RPS6KC1: variants seen among roughly 807,000 people sequenced by gnomAD.
The protein encoded by RPS6KC1 is inactive ribosomal protein S6 kinase delta-1.
Under a neutral mutation model 103.8 loss-of-function variants are expected in RPS6KC1, and 54 were observed. The ratio of observed to expected loss-of-function variants is 0.52; its 90% CI spans 0.42 to 0.65. RPS6KC1 has a LOEUF of 0.65. Ranked by LOEUF, RPS6KC1 falls within the 30% of genes least tolerant of loss-of-function variation. The pLI, the probability that RPS6KC1 is intolerant of heterozygous loss-of-function variation, is 0.00. For synonymous variants in RPS6KC1, 439 were observed against 438.7 expected (o/e 1.00, Z -0.01); for missense variants, 1,151 against 1,253.8 (o/e 0.92, Z 1.24).
At chr1:213,125,006 T>C (rs2084816300) in intron 5 of RPS6KC1, among the ~76,000 whole-genome samples, 1 of 152,122 alleles carries the variant, frequency 6.6e-6, no homozygotes, top group African/African-American at 2.4e-5. Flanking sequence ...TCCATAGAGG[T>C]TTATATTTCA....
rs2083781424 is a variant in RPS6KC1 at position 213,117,404 on chromosome 1, A to G, written c.466A>G (p.Thr156Ala). The change falls in exon 5 of 15, where the codon ACG (threonine) becomes GCG (alanine). Residue 156 changes from threonine (T) to alanine (A), a missense_variant. By Grantham distance (58) the Thr-to-Ala change is moderately conservative. Around this residue, in one of 3 missense-constraint regions of RPS6KC1, gnomAD observed 959 missense variants for 1,006.3 expected, o/e 0.95. Transcript: ENST00000366960. ...SLIDTFPECS[T>A]EGFSSDSDLV... ...CATTGATACCTTTCCTGAGTGTAGT[A>G]CGGAAGGTAAGAGATTTTAATTTTT... is the stretch of plus-strand genomic sequence containing the variant. 6 of 1,592,930 alleles carry G rather than the reference A, an allele frequency of 3.8e-6. No homozygotes were observed. Among genetic ancestry groups the G allele is most frequent in the Non-Finnish European group, 5.2e-6 (6 of 1,163,550 alleles).
the RPS6KC1 span, among the ~76,000 whole-genome samples, chr1:213,472,648 T>C: frequency 6.6e-6 from 1 of 152,192 alleles, no homozygotes; most frequent in African/African-American, 2.4e-5. Context: ...CCATCAAATG[T>C]TGACAGTTTC....
At chr1:213,214,772 G>T (rs1344405542) in intron 8 of RPS6KC1, among the ~76,000 whole-genome samples, 2 of 152,174 alleles carry the variant, frequency 1.3e-5, no homozygotes, top group Non-Finnish European at 2.9e-5. Context: ...ACAGGGTCTG[G>T]AGTGGACCTC....
In RPS6KC1 at chr1:213,244,756, A is replaced by G. The variant is rs138227919; in HGVS notation, c.2911+2098A>G. On this transcript the variant is annotated intron_variant, in intron 12 of 14. Coordinates refer to ENST00000366960, the MANE Select transcript of RPS6KC1 (RefSeq NM_012424.6). ...TTTAAGCCTTGTCCCAGAAATTACA[A>G]TTCTCTTAGTTGACCAGCAGGTGGC... 2.6e-5 allele frequency among the ~76,000 whole-genome samples: 4 copies of G among 152,298 alleles called. No individual in the cohort carries two copies. The East Asian group carries it at 5.8e-4, about 22-fold the overall frequency.
chr1:213,172,907 C>CAT (rs2091584928), intron 7 of RPS6KC1, among the ~76,000 whole-genome samples: 4 of 152,284 alleles, frequency 2.6e-5, no homozygotes, highest in African/African-American at 4.8e-5. Flanking sequence ...CTTACTTTTC[C>CAT]ATCAAGGAAC....
At chr1:213,269,067 C>T (rs746623892) in intron 14 of RPS6KC1, among the ~76,000 whole-genome samples, 9 of 152,214 alleles carry the variant, frequency 5.9e-5, no homozygotes, top group Non-Finnish European at 8.8e-5. Context: ...ATCTTCTGTG[C>T]GTGAGAGACA....
At chr1:213,705,526 C>A in the RPS6KC1 span, among the ~76,000 whole-genome samples, 1 of 152,194 alleles carries the variant, frequency 6.6e-6, no homozygotes, top group East Asian at 1.9e-4. Context: ...GCAGTGGACT[C>A]CCCTCTGCCC....
In RPS6KC1 at chr1:213,167,993, G is replaced by C; in HGVS notation, c.951+20G>C. 6.6e-7 allele frequency: 1 copy of C among 1,522,786 alleles called. No individual in the cohort carries two copies. Among genetic ancestry groups the C allele is most frequent in the Non-Finnish European group, 9.1e-7 (1 of 1,100,752 alleles). 94.3% of individuals were successfully genotyped at this position (1,522,786 alleles called of 1,614,324 possible). On this transcript the variant is annotated intron_variant, in intron 7 of 14. Coordinates refer to ENST00000366960, the MANE Select transcript of RPS6KC1 (RefSeq NM_012424.6). Reference sequence around the variant, plus strand: ...TCTCAGGTATGTCTCATATTTTGTTGTGTGTTTTCTTCAGTGATTTTTTGC... The same window carrying C: ...TCTCAGGTATGTCTCATATTTTGTTCTGTGTTTTCTTCAGTGATTTTTTGC...
At chr1:213,172,044 G>A (rs566475658) in intron 7 of RPS6KC1, among the ~76,000 whole-genome samples, 1 of 152,270 alleles carries the variant, frequency 6.6e-6, no homozygotes, top group Admixed American at 6.5e-5. Flanking sequence ...GTAAGTAACC[G>A]TATTCTAAAT....
the RPS6KC1 span, among the ~76,000 whole-genome samples, chr1:213,573,427 A>C: frequency 0.44 from 66,325 of 152,040 alleles, 15,391 homozygotes; most frequent in African/African-American, 0.62. Context: ...CTCTCATAAG[A>C]AGAATGACCA....
the RPS6KC1 span, among the ~76,000 whole-genome samples, chr1:213,282,615 G>A: frequency 2.0e-5 from 3 of 152,228 alleles, no homozygotes; most frequent in African/African-American, 7.2e-5. Flanking sequence ...TCTTCTATGC[G>A]AAGGGTCTTT....
At chr1:213,061,228 T>G (rs982431528) in intron 1 of RPS6KC1, among the ~76,000 whole-genome samples, 2 of 152,206 alleles carry the variant, frequency 1.3e-5, no homozygotes, top group Non-Finnish European at 2.9e-5. Flanking sequence ...ACACAAACAT[T>G]CAGTCTGTAG....
At chr1:213,099,276 TA>T (rs1436801850) in intron 3 of RPS6KC1, among the ~76,000 whole-genome samples, 4 of 152,216 alleles carry the variant, frequency 2.6e-5, no homozygotes, top group African/African-American at 9.6e-5. Context: ...CTACGAGTAC[TA>T]TTTTTTTCTT....
chr1:213,442,056 C>A, the RPS6KC1 span, among the ~76,000 whole-genome samples: 22 of 152,302 alleles, frequency 1.4e-4, no homozygotes, highest in Admixed American at 9.2e-4. Flanking sequence ...GTAACAGTGG[C>A]TCTTTAAGAT....
chr1:213,817,822 A>G, the RPS6KC1 span: 154 of 151,780 alleles, frequency 1.0e-3, 1 homozygote, highest in African/African-American at 3.5e-3. Flanking sequence ...AATTGAAGGT[A>G]TGTGTAACCC....
At chr1:213,641,646 A>C in the RPS6KC1 span, among the ~76,000 whole-genome samples, 1 of 151,918 alleles carries the variant, frequency 6.6e-6, no homozygotes, top group Non-Finnish European at 1.5e-5. Flanking sequence ...TTAAAGCTTA[A>C]AAGTTTATCA....
the RPS6KC1 span, among the ~76,000 whole-genome samples, chr1:213,408,287 C>T: frequency 2.0e-5 from 3 of 152,212 alleles, no homozygotes; most frequent in African/African-American, 4.8e-5. Flanking sequence ...CCTCGCACCC[C>T]TTCACTGCTG....
intron 6 of RPS6KC1, among the ~76,000 whole-genome samples, chr1:213,152,334 C>CCCCCCACCT (rs2089228379): frequency 6.9e-6 from 1 of 144,642 alleles, no homozygotes; most frequent in African/African-American, 2.5e-5. Context: ...GGGGCTGACC[C>CCCCCCACCT]CCCCCACCTC....
the RPS6KC1 span, among the ~76,000 whole-genome samples, chr1:213,618,403 G>A: frequency 6.6e-6 from 1 of 152,152 alleles, no homozygotes; most frequent in Non-Finnish European, 1.5e-5. Context: ...TCAGGCTCAG[G>A]GGTCAGACAC....
Sources: gnomAD v4.1 joint callset for allele counts (sites outside exome capture counted in the v4.1 genomes callset) on GRCh38, gnomAD v4.1.1 for gene constraint, gnomAD v4.1.1 regional missense constraint, MANE v1.5 for transcripts, NCBI Gene and HGNC (gene_info 2026-07-23, HGNC 2026-07-21) for gene names.